COBLL1: variants seen among roughly 807,000 people sequenced by gnomAD.
COBLL1 encodes the protein cordon-bleu WH2 repeat protein like 1.
A neutral mutation model predicts 94.8 loss-of-function variants in COBLL1; 50 were observed. The ratio of observed to expected loss-of-function variants is 0.53; its 90% CI spans 0.42 to 0.67. COBLL1 has a LOEUF of 0.67. Among genes scored for constraint, COBLL1 ranks in the 30% least tolerant of loss-of-function variants. The pLI, the probability that COBLL1 is intolerant of heterozygous loss-of-function variation, is 0.00. For synonymous variants in COBLL1, 448 were observed against 473.8 expected (o/e 0.95, Z 0.71); for missense variants, 1,362 against 1,348.7 (o/e 1.01, Z -0.15).
intron 7 of COBLL1, among the ~76,000 whole-genome samples, chr2:164,716,500 A>C (rs1467399070): frequency 1.3e-5 from 2 of 152,206 alleles, no homozygotes; most frequent in African/African-American, 4.8e-5. Context: ...AAATGACATG[A>C]GACTTGAAAT....
chr2:164,666,888 C>T (rs570105012), intron 1 of COBLL1, among the ~76,000 whole-genome samples: 3 of 152,118 alleles, frequency 2.0e-5, no homozygotes, highest in Non-Finnish European at 4.4e-5. Flanking sequence ...TCCAAGTCAT[C>T]CATGAGGGTT....
Position 164,743,769 on chromosome 2 carries a change from T to C in COBLL1, c.148A>G (p.Lys50Glu), listed in dbSNP as rs1215975238. Residue 50 changes from lysine to glutamate, a missense_variant, in exon 3 of 14, where the codon AAA becomes GAA. By Grantham distance (56) the Lys-to-Glu change is moderately conservative. Coordinates refer to ENST00000652658, the MANE Select transcript of COBLL1 (RefSeq NM_001365672.2). ...VESTAFIMEQ[K>E]ENMIDKDVEL... ...ACGTCTTTATCTATCATGTTTTCTT[T>C]CTGTTCCATGATGAAAGCAGTGGAT... is the stretch of plus-strand genomic sequence containing the variant. 1 of 1,613,436 alleles carries C rather than the reference T, an allele frequency of 6.2e-7. No individual in the cohort carries two copies. The highest frequency in any genetic ancestry group is 8.5e-7 in the Non-Finnish European group (1 of 1,179,630).
intron 1 of COBLL1, among the ~76,000 whole-genome samples, chr2:164,668,441 G>C (rs1329081230): frequency 6.6e-6 from 1 of 152,210 alleles, no homozygotes; most frequent in Admixed American, 6.5e-5. Context: ...AGACAAGAGA[G>C]ATGGGGGAAT....
intron 1 of COBLL1, among the ~76,000 whole-genome samples, chr2:164,671,195 C>T (rs1251920685): frequency 6.6e-6 from 1 of 152,072 alleles, no homozygotes; most frequent in South Asian, 2.1e-4. Context: ...ATTATTAGAA[C>T]CATTATATAT....
intron 13 of COBLL1, among the ~76,000 whole-genome samples, chr2:164,688,393 T>A (rs1683417251): frequency 6.6e-6 from 1 of 152,150 alleles, no homozygotes; most frequent in Non-Finnish European, 1.5e-5. Flanking sequence ...TAGTGCTCAA[T>A]AAATATTTCT....
At chr2:164,758,068 G>A (rs900962223) in intron 2 of COBLL1, among the ~76,000 whole-genome samples, 18 of 152,076 alleles carry the variant, frequency 1.2e-4, no homozygotes, top group East Asian at 3.9e-4. Flanking sequence ...ACAAACGAGC[G>A]ATTTGAGAAA....
At chr2:164,660,149 T>C (rs1691046620) in intron 2 of COBLL1, among the ~76,000 whole-genome samples, 1 of 152,198 alleles carries the variant, frequency 6.6e-6, no homozygotes, top group African/African-American at 2.4e-5. Context: ...TATTGACACA[T>C]TCTAATTGTC....
At chr2:164,663,014 T>G (rs1289229975) in intron 2 of COBLL1, among the ~76,000 whole-genome samples, 5 of 152,190 alleles carry the variant, frequency 3.3e-5, no homozygotes, top group African/African-American at 1.2e-4. Context: ...CATGGCAACA[T>G]CCTTTCATCT....
intron 2 of COBLL1, among the ~76,000 whole-genome samples, chr2:164,797,197 G>T (rs1379600391): frequency 6.6e-6 from 1 of 152,136 alleles, no homozygotes; most frequent in African/African-American, 2.4e-5. Context: ...CCTCTCATGT[G>T]CAAGCATTAC....
At chr2:164,818,308 A>ATATATGTATG (rs1559045817) in intron 2 of COBLL1, among the ~76,000 whole-genome samples, 22 of 149,038 alleles carry the variant, frequency 1.5e-4, no homozygotes, top group Admixed American at 2.7e-4. Flanking sequence ...ATATGTATAC[A>ATATATGTATG]TATACACGTG....
At position 164,694,460 on chromosome 2, in the gene COBLL1, G is replaced by T; in HGVS notation, c.2932C>A (p.Arg978=). Reference sequence around the variant, plus strand: ...GAAGGACCAGAACTTGAGTATGGTCGTGGGGCACCAAAAGTTTTCAAAGTC... The same window carrying T: ...GAAGGACCAGAACTTGAGTATGGTCTTGGGGCACCAAAAGTTTTCAAAGTC... ...LKTLKTFGAP[R]PYSSSGPSPF... Residue 978 remains arginine (R), a synonymous_variant, in exon 12 of 14, where the codon CGA becomes AGA. Coordinates refer to ENST00000652658, the MANE Select transcript of COBLL1 (RefSeq NM_001365672.2). 1 of 1,613,940 alleles carries T rather than the reference G, an allele frequency of 6.2e-7. No individual in the cohort carries two copies. The highest frequency in any genetic ancestry group is 8.5e-7 in the Non-Finnish European group (1 of 1,179,916).
intron 2 of COBLL1, among the ~76,000 whole-genome samples, chr2:164,768,421 T>TG (rs1007791269): frequency 1.3e-5 from 2 of 152,128 alleles, no homozygotes; most frequent in African/African-American, 4.8e-5. Flanking sequence ...ATGAGATTTT[T>TG]TTTTTTTAGC....
chr2:164,692,357 G>C lies in COBLL1; in HGVS notation c.3164C>G (p.Pro1055Arg), dbSNP rs745639843. Residue 1055 changes from proline to arginine, a missense_variant, in exon 13 of 14, where the codon CCA (proline) becomes CGA (arginine). Pro to Arg is a moderately radical substitution (Grantham distance 103, BLOSUM62 -2). Coordinates refer to ENST00000652658, the MANE Select transcript of COBLL1 (RefSeq NM_001365672.2). Reference protein sequence around the residue: ...SAHNEQNSQIPTPTDGPSFTV... With the variant: ...SAHNEQNSQIRTPTDGPSFTV... ...GAATGATGGGCCATCAGTTGGAGTTGGTATTTGGGAATTCTGTTCATTATG... is the reference window on the plus strand; with the variant it reads ...GAATGATGGGCCATCAGTTGGAGTTCGTATTTGGGAATTCTGTTCATTATG... The C allele has an allele frequency of 2.5e-6, 4 of 1,612,050 alleles. No individual in the cohort carries two copies. Among genetic ancestry groups the C allele is most frequent in the Non-Finnish European group, 3.4e-6 (4 of 1,179,130 alleles).
At chr2:164,826,134 T>C (rs1213045684) in intron 2 of COBLL1, among the ~76,000 whole-genome samples, 1 of 152,126 alleles carries the variant, frequency 6.6e-6, no homozygotes, top group Non-Finnish European at 1.5e-5. Context: ...TCATCTTACA[T>C]AAGAGAAAAG....
intron 2 of COBLL1, among the ~76,000 whole-genome samples, chr2:164,820,749 G>A (rs1235112138): frequency 2.0e-5 from 3 of 152,150 alleles, no homozygotes; most frequent in Non-Finnish European, 2.9e-5. Context: ...ATGACTTTGA[G>A]GTTCGCACCA....
At chr2:164,672,383 G>GT (rs1222164651) in intron 1 of COBLL1, among the ~76,000 whole-genome samples, 1 of 152,092 alleles carries the variant, frequency 6.6e-6, no homozygotes, top group African/African-American at 2.4e-5. Flanking sequence ...AAAGGAGAGG[G>GT]TTTTTTTCTT....
At chr2:164,786,190 T>C (rs1177255886) in intron 2 of COBLL1, among the ~76,000 whole-genome samples, 1 of 152,228 alleles carries the variant, frequency 6.6e-6, no homozygotes, top group Non-Finnish European at 1.5e-5. Flanking sequence ...TCCTACACTC[T>C]GTTTGGAGTC....
In COBLL1 at chr2:164,695,523, A is replaced by C. The variant is rs1381579358; in HGVS notation, c.1869T>G (p.Ser623=). 1 of 1,613,890 alleles carries C rather than the reference A, an allele frequency of 6.2e-7. No individual in the cohort carries two copies. The highest frequency in any genetic ancestry group is 8.5e-7 in the Non-Finnish European group (1 of 1,179,942). Residue 623 remains serine (S), a synonymous_variant, in exon 12 of 14, where the codon TCT becomes TCG. Transcript: ENST00000652658. ...GCACACATTCTTCAACTTTGGAGTC[A>C]GATAAATTATGATCTTGGTGTTTCC... ...FDGKHQDHNL[S]DSKVEECVQT...
chr2:164,696,199 G>A (rs190303539), intron 11 of COBLL1: 2 of 131,000 alleles, frequency 1.5e-5, no homozygotes, highest in African/African-American at 6.9e-5. Flanking sequence ...GGTAAATAAA[G>A]TTTTTACTTC....
Sources: gnomAD v4.1 joint callset for allele counts (sites outside exome capture counted in the v4.1 genomes callset) on GRCh38, gnomAD v4.1.1 for gene constraint, MANE v1.5 for transcripts, NCBI Gene and HGNC (gene_info 2026-07-23, HGNC 2026-07-21) for gene names.